Variants in PLCE1 observed in about 807,000 individuals in gnomAD.
PLCE1 encodes the protein phospholipase C epsilon 1, also known as 1-phosphatidylinositol 4,5-bisphosphate phosphodiesterase epsilon-1.
A neutral mutation model predicts 242.8 loss-of-function variants in PLCE1; 119 were observed. The observed-to-expected ratio is 0.49, with a 90% CI of 0.42 to 0.57. The LOEUF (loss-of-function observed/expected upper bound fraction) is 0.57. PLCE1 is among the 20% of genes least tolerant of loss of function. PLCE1 has a pLI of 0.00. For synonymous variants in PLCE1, 945 were observed against 1,017.4 expected (o/e 0.93, Z 1.35); for missense variants, 2,441 against 2,788.8 (o/e 0.88, Z 2.81).
In PLCE1 at chr10:94,324,017, T is replaced by A. The variant is rs185920669; in HGVS notation, c.6502-332T>A. Among the ~76,000 whole-genome samples the A allele has an allele frequency of 3.9e-5, 6 of 152,336 alleles. No homozygotes were observed. In the East Asian group the frequency reaches 1.2e-3, roughly 29 times the overall value. ...TTTCATGTCTGTGAGCGCTGGTACA[T>A]GCAGAAAATCTGGTTCAGACCTTTA... On this transcript the variant is annotated intron_variant, in intron 30 of 32. Transcript: ENST00000371380.
At chr10:94,281,821 C>G (rs965071718) in intron 20 of PLCE1, among the ~76,000 whole-genome samples, 1 of 151,950 alleles carries the variant, frequency 6.6e-6, no homozygotes, top group Non-Finnish European at 1.5e-5. Context: ...TATGCTGTGA[C>G]TTGTTGAAGC....
At position 94,126,284 on chromosome 10, in the gene PLCE1, A is replaced by G. The variant is rs1465240773; in HGVS notation, c.1207-5890A>G. On this transcript the variant is annotated intron_variant, in intron 2 of 32. Coordinates refer to ENST00000371380, the MANE Select transcript of PLCE1 (RefSeq NM_016341.4). ...CATTCACAGTTTGCAACATTGATCT[A>G]TAGTTCTCTATATAAAGCCTACATC... is the stretch of plus-strand genomic sequence containing the variant. 3.3e-5 allele frequency among the ~76,000 whole-genome samples: 5 copies of G among 152,330 alleles called. No homozygotes were observed. The South Asian group carries it at 8.3e-4, about 25-fold the overall frequency.
intron 2 of PLCE1, among the ~76,000 whole-genome samples, chr10:94,042,106 A>G (rs1226397554): frequency 6.6e-6 from 1 of 152,182 alleles, no homozygotes; most frequent in Non-Finnish European, 1.5e-5. Flanking sequence ...AAATTGTGCC[A>G]GTCTGTGGCT....
At chr10:94,220,387 T>TC (rs2049694464) in intron 4 of PLCE1, among the ~76,000 whole-genome samples, 1 of 55,738 alleles carries the variant, frequency 1.8e-5, no homozygotes, top group African/African-American at 5.9e-5. Context: ...TATATATATA[T>TC]ATATATATAT....
At chr10:94,270,932 A>G (rs2051706696) in intron 18 of PLCE1, among the ~76,000 whole-genome samples, 1 of 152,094 alleles carries the variant, frequency 6.6e-6, no homozygotes, top group Non-Finnish European at 1.5e-5. Flanking sequence ...GGCCTCCCAA[A>G]GTACTGGGAT....
At chr10:94,147,495 G>GA (rs1437919845) in intron 3 of PLCE1, among the ~76,000 whole-genome samples, 3,331 of 151,974 alleles carry the variant, frequency 0.022, 107 homozygotes, top group African/African-American at 0.075. Context: ...AAGAAAGAAA[G>GA]AAGGGGAGGC....
rs1178874455 is a variant in PLCE1 at position 94,325,057 on chromosome 10, G to A, written c.6886G>A (p.Asp2296Asn). 6.2e-7 allele frequency: 1 copy of A among 1,614,142 alleles called. No homozygotes were observed. Among genetic ancestry groups the A allele is most frequent in the Middle Eastern group, 1.6e-4 (1 of 6,062 alleles). ...EKPVGGLSSS[D>N]TMDYRQ ...ACCTGTGGGTGGCTTGTCCTCCAGT[G>A]ACACAATGGATTACCGACAGTGACT... The change falls in exon 32 of 33, where the codon GAC (aspartate) becomes AAC (asparagine). Residue 2296 changes from aspartate (D) to asparagine (N), a missense_variant. Coordinates refer to ENST00000371380, the MANE Select transcript of PLCE1 (RefSeq NM_016341.4).
At chr10:94,308,006 A>G (rs1041116017) in intron 26 of PLCE1, among the ~76,000 whole-genome samples, 3 of 152,244 alleles carry the variant, frequency 2.0e-5, no homozygotes, top group South Asian at 2.1e-4. Context: ...TACGTAACAC[A>G]TGAGCATACA....
In PLCE1 at chr10:94,328,975, T is replaced by G; in HGVS notation, c.*1032T>G. On this transcript the variant is annotated 3_prime_UTR_variant, in exon 33 of 33. Coordinates refer to ENST00000371380, the MANE Select transcript of PLCE1 (RefSeq NM_016341.4). The stretch of plus-strand genomic sequence containing the variant: ...AGCAAAAGTAGATTGAGTTGGCGTT[T>G]AAATTTATTTTGCAAGGTTTGTACT... 6.6e-6 allele frequency: 1 copy of G among 152,218 alleles called. No homozygotes were observed. Among genetic ancestry groups the G allele is most frequent in the Non-Finnish European group, 1.5e-5 (1 of 68,040 alleles). The allele number at this position is 152,218 out of a possible 1,614,324, so 9.4% of individuals were successfully genotyped here.
intron 2 of PLCE1, among the ~76,000 whole-genome samples, chr10:94,066,900 C>T (rs1375830692): frequency 6.6e-6 from 1 of 152,204 alleles, no homozygotes; most frequent in African/African-American, 2.4e-5. Flanking sequence ...TCCAAACCTG[C>T]ATCACTCCAG....
At chr10:94,100,572 C>A (rs1217569748) in intron 2 of PLCE1, 1 of 152,080 alleles carries the variant, frequency 6.6e-6, no homozygotes, top group Non-Finnish European at 1.5e-5. Flanking sequence ...ACAATGAAAT[C>A]ATTGGTCTTT....
At chr10:94,238,230 G>A (rs1388451575) in intron 7 of PLCE1, among the ~76,000 whole-genome samples, 3 of 152,190 alleles carry the variant, frequency 2.0e-5, no homozygotes, top group Non-Finnish European at 4.4e-5. Context: ...AGAGCAGCCT[G>A]GGCAACATGG....
In PLCE1 at chr10:94,270,557, C is replaced by T; in HGVS notation, c.4461C>T (p.Asn1487=). 6.2e-7 allele frequency: 1 copy of T among 1,613,856 alleles called. No homozygotes were observed. The highest frequency in any genetic ancestry group is 1.1e-5 in the South Asian group (1 of 91,080). ...SDLPIIISIE[N]HCSLPQQRKM... Reference sequence around the variant, plus strand: ...TGCCAATCATCATATCGATTGAGAACCACTGTTCATTGCCTCAGCAACGAA... The same window carrying T: ...TGCCAATCATCATATCGATTGAGAATCACTGTTCATTGCCTCAGCAACGAA... Residue 1487 remains asparagine, a synonymous_variant, in exon 18 of 33, where the codon AAC becomes AAT. Coordinates refer to ENST00000371380, the MANE Select transcript of PLCE1 (RefSeq NM_016341.4).
chr10:94,061,229 G>T (rs1157607824), intron 2 of PLCE1, among the ~76,000 whole-genome samples: 3 of 152,146 alleles, frequency 2.0e-5, no homozygotes, highest in African/African-American at 4.8e-5. Context: ...ACAAAGCTCA[G>T]GAAACCAGTT....
intron 11 of PLCE1, among the ~76,000 whole-genome samples, chr10:94,256,323 C>CA (rs1316929334): frequency 0.035 from 1,943 of 55,692 alleles, 33 homozygotes; most frequent in African/African-American, 0.077. Context: ...GAGCTTGTCT[C>CA]AAAAAAAAAA....
chr10:94,095,216 C>T (rs1483908819), intron 2 of PLCE1, among the ~76,000 whole-genome samples: 1 of 152,236 alleles, frequency 6.6e-6, no homozygotes, highest in African/African-American at 2.4e-5. Flanking sequence ...ATGACAGGCA[C>T]ATTCAAGAAA....
intron 22 of PLCE1, among the ~76,000 whole-genome samples, chr10:94,286,220 C>T (rs929511474): frequency 6.6e-6 from 1 of 152,134 alleles, no homozygotes; most frequent in East Asian, 1.9e-4. Flanking sequence ...TGGAGAGAGG[C>T]ACTAAAATGC....
chr10:94,152,012 T>A (rs1029358507), intron 3 of PLCE1, among the ~76,000 whole-genome samples: 2 of 152,030 alleles, frequency 1.3e-5, no homozygotes, highest in Non-Finnish European at 2.9e-5. Context: ...AGAAATTAAC[T>A]CAAGATGGAT....
chr10:94,322,674 A>G (rs1179507120), intron 30 of PLCE1, among the ~76,000 whole-genome samples: 4 of 151,982 alleles, frequency 2.6e-5, no homozygotes, highest in Non-Finnish European at 5.9e-5. Context: ...AATCCCAGCT[A>G]CTTGGGAGGC....
Sources: allele counts gnomAD v4.1 joint callset (sites outside exome capture counted in the v4.1 genomes callset), GRCh38; gene constraint gnomAD v4.1.1; transcripts MANE v1.5; gene names NCBI Gene and HGNC (gene_info 2026-07-23, HGNC 2026-07-21).